RUFY1: variants seen among roughly 807,000 people sequenced by gnomAD.
RUFY1 encodes RUN and FYVE domain containing 1, also known as RUN and FYVE domain-containing protein 1.
In RUFY1, 54 loss-of-function variants were observed where a neutral mutation model predicts 94.6. That is an observed-to-expected ratio of 0.57 (90% confidence interval 0.46 to 0.72). RUFY1 has a LOEUF of 0.72. RUFY1 is among the 30% of genes least tolerant of loss of function. The probability of loss-of-function intolerance (pLI) is 0.00; values close to 1 mark genes in which losing one functional copy is unlikely to be tolerated. For missense variants in RUFY1, 883 were observed against 883.9 expected (o/e 1.00, Z 0.01); for synonymous variants, 396 against 347.3 (o/e 1.14, Z -1.56).
intron 13 of RUFY1, chr5:179,598,221 A>G: frequency 6.4e-6 from 1 of 157,162 alleles, no homozygotes; most frequent in Non-Finnish European, 1.4e-5. Flanking sequence ...TGAATTGGCC[A>G]GTGAGGTGGC....
intron 8 of RUFY1, 103 bp downstream of exon 8, chr5:179,585,968 G>T: frequency 1.1e-6 from 1 of 880,644 alleles, no homozygotes. Flanking sequence ...CTGGTAGGAA[G>T]GGGACTTGCT....
Position 179,596,058 on chromosome 5 carries a change from G to A in RUFY1, c.1512-504G>A, listed in dbSNP as rs117509233. 79 of 173,434 alleles carry A rather than the reference G, an allele frequency of 4.6e-4. 1 individual carries two copies. In the East Asian group the frequency reaches 7.7e-3, roughly 17 times the overall value. The allele number at this position is 173,434 out of a possible 1,614,324, so 10.7% of individuals were successfully genotyped here. On this transcript the variant is annotated intron_variant, in intron 12 of 17. Coordinates refer to ENST00000319449, the MANE Select transcript of RUFY1 (RefSeq NM_025158.5). ...TAGTACATATGTTTATAGCAGCTCCGTTCATAACTGCCAAAAGCTAGAAGC... is the reference window on the plus strand; with the variant it reads ...TAGTACATATGTTTATAGCAGCTCCATTCATAACTGCCAAAAGCTAGAAGC...
At chr5:179,579,922 G>A (rs1763986093) in intron 6 of RUFY1, among the ~76,000 whole-genome samples, 1 of 151,548 alleles carries the variant, frequency 6.6e-6, no homozygotes, top group Non-Finnish European at 1.5e-5. Context: ...GCCCACCTCG[G>A]CCTCCCAAAG....
At chr5:179,568,994 T>C in intron 4 of RUFY1, 1 of 977,516 alleles carries the variant, frequency 1.0e-6, no homozygotes, top group African/African-American at 1.7e-5. Flanking sequence ...CAGGAGCCAG[T>C]GGAGACACAG....
chr5:179,600,184 C>T (rs1239054545), intron 14 of RUFY1: 1 of 152,250 alleles, frequency 6.6e-6, no homozygotes. Context: ...TAAGCCACAG[C>T]TTTGTGCTTT....
At chr5:179,561,674 CTTTCTTTTTTTTTTTTT>C (rs1340249709) in intron 2 of RUFY1, among the ~76,000 whole-genome samples, 1 of 88,326 alleles carries the variant, frequency 1.1e-5, no homozygotes, top group Non-Finnish European at 2.4e-5. Context: ...CTGTTTTTTT[CTTTCTTTTTTTTTTTTT>C]TTTTTTTTTT....
intron 1 of RUFY1, among the ~76,000 whole-genome samples, chr5:179,554,739 G>C (rs1762024805): frequency 1.3e-5 from 2 of 151,570 alleles, no homozygotes; most frequent in Non-Finnish European, 2.9e-5. Flanking sequence ...AGGCCGAGGC[G>C]GGCGGATCAT....
At chr5:179,574,617 A>C (rs1763482964) in intron 5 of RUFY1, among the ~76,000 whole-genome samples, 1 of 152,162 alleles carries the variant, frequency 6.6e-6, no homozygotes, top group Non-Finnish European at 1.5e-5. Context: ...TCTTAAGACA[A>C]TTTTTAAAGT....
chr5:179,607,212 C>T (rs1425088020), intron 16 of RUFY1: 3 of 257,990 alleles, frequency 1.2e-5, no homozygotes, highest in South Asian at 5.2e-5. Context: ...GCTAGCACTT[C>T]GGCCAGTGTC....
intron 8 of RUFY1, 40 bp downstream of exon 8, chr5:179,585,905 G>C (rs1764571445): frequency 1.4e-6 from 2 of 1,479,738 alleles, no homozygotes; most frequent in African/African-American, 2.8e-5. Context: ...AAAACAGAAT[G>C]ACCCAAGGTT....
At chr5:179,578,921 GGCGT>G (rs1286660599) in intron 6 of RUFY1, among the ~76,000 whole-genome samples, 1 of 152,194 alleles carries the variant, frequency 6.6e-6, no homozygotes, top group Non-Finnish European at 1.5e-5. Context: ...TAGGATTACA[GGCGT>G]GAGCCACCGC....
chr5:179,591,760 G>C lies in RUFY1; in HGVS notation c.1245+19G>C. The stretch of plus-strand genomic sequence containing the variant: ...CCGGTTGGTGAGTGTGCAAGACCGA[G>C]TGTCTTTAGAAAGAGTTTCCCCGTA... On this transcript the variant is annotated intron_variant, in intron 10 of 17. Coordinates refer to ENST00000319449, the MANE Select transcript of RUFY1 (RefSeq NM_025158.5). 1.4e-6 allele frequency: 2 copies of C among 1,415,644 alleles called. No homozygotes were observed. The highest frequency in any genetic ancestry group is 2.0e-6 in the Non-Finnish European group (2 of 1,015,302). 87.7% of individuals were successfully genotyped at this position (1,415,644 alleles called of 1,614,324 possible). A position where few individuals can be genotyped will look rare whatever the true frequency, so the allele number is the denominator to read the frequency against.
chr5:179,554,784 A>G (rs1762026641), intron 1 of RUFY1, among the ~76,000 whole-genome samples: 1 of 151,964 alleles, frequency 6.6e-6, no homozygotes, highest in Non-Finnish European at 1.5e-5. Context: ...CCTGGCCAAC[A>G]TGGTGAAACC....
intron 5 of RUFY1, among the ~76,000 whole-genome samples, chr5:179,575,637 G>A (rs1763557639): frequency 6.6e-6 from 1 of 152,222 alleles, no homozygotes; most frequent in African/African-American, 2.4e-5. Context: ...AAATATGGAT[G>A]GATTCCTTTT....
Position 179,550,701 on chromosome 5 carries a change from GC to G in RUFY1, c.135del (p.Gly46AlafsTer22). Reference sequence around the variant, plus strand: ...TTGAGATCGTGGACCGAAGCCAGCTGCCCGGCCCAGGCGACCTGCGGAGCGC... The same window carrying G: ...TTGAGATCGTGGACCGAAGCCAGCTGCCGGCCCAGGCGACCTGCGGAGCGC... ...EFEIVDRSQL[P>X]GPGDLRSATR... is the part of the protein sequence containing the mutation. On this transcript the variant is annotated frameshift_variant, in exon 1 of 18. Transcript: ENST00000319449. LOFTEE classifies it high-confidence loss of function. The G allele has an allele frequency of 6.7e-7, 1 of 1,493,644 alleles. No homozygotes were observed. The highest frequency in any genetic ancestry group is 8.9e-7 in the Non-Finnish European group (1 of 1,127,230). 92.5% of individuals were successfully genotyped at this position (1,493,644 alleles called of 1,614,324 possible). A position where few individuals can be genotyped will look rare whatever the true frequency, so the allele number is the denominator to read the frequency against.
At chr5:179,570,536 C>A (rs1416557206) in intron 5 of RUFY1, among the ~76,000 whole-genome samples, 1 of 152,176 alleles carries the variant, frequency 6.6e-6, no homozygotes, top group African/African-American at 2.4e-5. Context: ...AGAGCCAAGG[C>A]CTAAACTCCT....
rs1294503999 is a variant in RUFY1 at position 179,550,738 on chromosome 5, C to CGGGCGGCCGA, written c.174_183dup (p.Trp62GlyfsTer48). On this transcript the variant is annotated frameshift_variant, in exon 1 of 18. Transcript: ENST00000319449. LOFTEE classifies it high-confidence loss of function. Reference sequence around the variant, plus strand: ...CGACCTGCGGAGCGCAACGAGGCCGCGGGCGGCCGAGGGCTGGTCGGCGCC... The same window carrying CGGGCGGCCGA: ...CGACCTGCGGAGCGCAACGAGGCCGCGGGCGGCCGAGGGCGGCCGAGGGCTGGTCGGCGCC... 1 of 1,464,622 alleles carries CGGGCGGCCGA rather than the reference C, an allele frequency of 6.8e-7. No individual in the cohort carries two copies. The highest frequency in any genetic ancestry group is 1.5e-5 in the African/African-American group (1 of 68,140). The allele number at this position is 1,464,622 out of a possible 1,614,324, so 90.7% of individuals were successfully genotyped here. A position where few individuals can be genotyped will look rare whatever the true frequency, so the allele number is the denominator to read the frequency against.
chr5:179,569,204 G>A, intron 4 of RUFY1, 98 bp from the exon 5 acceptor site: 2 of 1,593,950 alleles, frequency 1.3e-6, no homozygotes, highest in Non-Finnish European at 1.7e-6. Context: ...GTATCTTCTG[G>A]CTCCAGGGCA....
chr5:179,557,753 C>G (rs1762179676), intron 1 of RUFY1, among the ~76,000 whole-genome samples: 1 of 151,834 alleles, frequency 6.6e-6, no homozygotes, highest in South Asian at 2.1e-4. Context: ...ATTTAATTTT[C>G]TAAATTTAGG....
Sources: gnomAD v4.1 joint callset for allele counts (sites outside exome capture counted in the v4.1 genomes callset) on GRCh38, gnomAD v4.1.1 for gene constraint, MANE v1.5 for transcripts, NCBI Gene and HGNC (gene_info 2026-07-23, HGNC 2026-07-21) for gene names.